Variants in ZNF827 observed in about 807,000 individuals in gnomAD.
The protein encoded by ZNF827 is zinc finger protein 827.
ZNF827 carries 13 observed loss-of-function variants against 102.4 expected under a neutral mutation model. The ratio of observed to expected loss-of-function variants is 0.13; its 90% CI spans 0.08 to 0.20. The LOEUF is 0.20. Ranked by LOEUF, ZNF827 falls within the 10% of genes least tolerant of loss-of-function variation. The probability of loss-of-function intolerance (pLI) is 1.00; values close to 1 mark genes in which losing one functional copy is unlikely to be tolerated. For missense variants in ZNF827, 1,103 were observed against 1,344.4 expected (o/e 0.82, Z 2.81); for synonymous variants, 523 against 536.2 (o/e 0.98, Z 0.34).
At chr4:145,781,228 GA>G (rs60872964) in intron 8 of ZNF827, among the ~76,000 whole-genome samples, 1,502 of 99,666 alleles carry the variant, frequency 0.015, 14 homozygotes, top group African/African-American at 0.05. Context: ...GAAAAAAAAA[GA>G]AAAAAAAAAA....
intron 8 of ZNF827, among the ~76,000 whole-genome samples, chr4:145,818,441 G>C (rs1184032717): frequency 1.3e-5 from 2 of 152,208 alleles, no homozygotes; most frequent in Non-Finnish European, 2.9e-5. Flanking sequence ...CATATGTCCT[G>C]TGCCTGACAA....
intron 8 of ZNF827, among the ~76,000 whole-genome samples, chr4:145,781,195 C>CAAAAAAAAAAAAAGAAGAAAAAAA (rs1737945565): frequency 1.8e-5 from 1 of 56,546 alleles, no homozygotes. Flanking sequence ...GACACCATCT[C>CAAAAAAAAAAAAAGAAGAAAAAAA]AAAAAAAAAA....
intron 8 of ZNF827, among the ~76,000 whole-genome samples, chr4:145,805,688 G>T (rs1741351204): frequency 2.6e-5 from 4 of 152,090 alleles, no homozygotes. Context: ...ATGGTTCCTG[G>T]CATACTTGCA....
rs1221870604 is a variant in ZNF827, at chr4:145,853,778, C to G, written c.1982-4217G>C. ...CCAGCAGTTTGGAGACCAGCCTGGCCAACATGGCAAAACCCTATATCATAA... is the reference window on the plus strand; with the variant it reads ...CCAGCAGTTTGGAGACCAGCCTGGCGAACATGGCAAAACCCTATATCATAA... On this transcript the variant is annotated intron_variant, in intron 5 of 14. Coordinates refer to ENST00000508784, the MANE Select transcript of ZNF827 (RefSeq NM_001306215.2). Among the ~76,000 whole-genome samples the G allele has an allele frequency of 3.3e-5, 5 of 151,936 alleles. No individual in the cohort carries two copies. The East Asian group carries it at 9.6e-4, about 29-fold the overall frequency.
intron 3 of ZNF827, among the ~76,000 whole-genome samples, chr4:145,887,661 A>C (rs1220988399): frequency 1.3e-5 from 2 of 152,192 alleles, no homozygotes; most frequent in African/African-American, 4.8e-5. Flanking sequence ...CCAGCTGTTA[A>C]CATCACCCCT....
chr4:145,922,894 T>A (rs1753173365), intron 1 of ZNF827, among the ~76,000 whole-genome samples: 1 of 152,236 alleles, frequency 6.6e-6, no homozygotes. Flanking sequence ...GAATTAAAAT[T>A]TTGGAAAACA....
At chr4:145,778,412 G>T (rs1737434494) in intron 9 of ZNF827, among the ~76,000 whole-genome samples, 1 of 152,186 alleles carries the variant, frequency 6.6e-6, no homozygotes, top group South Asian at 2.1e-4. Context: ...GGGATTATAG[G>T]CGTGAGCCAT....
At chr4:145,922,517 A>T (rs886167133) in intron 1 of ZNF827, among the ~76,000 whole-genome samples, 19 of 152,250 alleles carry the variant, frequency 1.2e-4, no homozygotes, top group Non-Finnish European at 2.4e-4. Flanking sequence ...AAAACCAAGG[A>T]GAAAAGCCCT....
In ZNF827 at chr4:145,892,432, A is replaced by G. The variant is rs1378737961; in HGVS notation, c.1094-17T>C. The G allele has an allele frequency of 2.5e-6, 4 of 1,602,732 alleles. No individual in the cohort carries two copies. Among genetic ancestry groups the G allele is most frequent in the Non-Finnish European group, 3.4e-6 (4 of 1,173,866 alleles). On this transcript the variant is annotated splice_polypyrimidine_tract_variant and intron_variant, in intron 2 of 14. Transcript: ENST00000508784. ...CTTCTGAGGCTTGGAAGAAGGAGAA[A>G]GAAAGGACCATTAAGGAAAACAAAA...
Position 145,886,103 on chromosome 4 carries a change from G to A in ZNF827, c.1322C>T (p.Thr441Ile). 1.2e-6 allele frequency: 2 copies of A among 1,613,458 alleles called. No homozygotes were observed. The highest frequency in any genetic ancestry group is 3.3e-4 in the Middle Eastern group (2 of 6,058). ...ETFQCQLCPF[T>I]SSRHFSLKLH... ...TTTCAGGCTGAAGTGGCGTGAGGAA[G>A]TAAAAGGGCACAGCTGGCACTGAAA... The change falls in exon 4 of 15, where the codon ACT (threonine) becomes ATT (isoleucine). Residue 441 changes from threonine to isoleucine, a missense_variant. Physicochemically the swap from Thr to Ile is moderately conservative, Grantham distance 89. Transcript: ENST00000508784.
chr4:145,827,638 G>A (rs1455888719), intron 7 of ZNF827, among the ~76,000 whole-genome samples: 1 of 152,204 alleles, frequency 6.6e-6, no homozygotes, highest in African/African-American at 2.4e-5. Flanking sequence ...GCACATGGTG[G>A]CACTATGGCT....
At chr4:145,768,858 CAAAAAA>C (rs1174930111) in intron 11 of ZNF827, among the ~76,000 whole-genome samples, 36 of 4,466 alleles carry the variant, frequency 8.1e-3, no homozygotes, top group Admixed American at 0.02. Flanking sequence ...GACTCCGTCT[CAAAAAA>C]AAAAAAAAAA....
intron 3 of ZNF827, among the ~76,000 whole-genome samples, chr4:145,890,514 T>C (rs1240762525): frequency 1.3e-5 from 2 of 152,056 alleles, no homozygotes; most frequent in Non-Finnish European, 2.9e-5. Flanking sequence ...TTTCCATGGG[T>C]TTATAAATAG....
At position 145,761,403 on chromosome 4, in the gene ZNF827, G is replaced by A. The variant is rs907168419; in HGVS notation, c.*213C>T. The A allele has an allele frequency of 6.0e-5, 77 of 1,289,864 alleles. No individual in the cohort carries two copies. The highest frequency in any genetic ancestry group is 2.8e-4 in the Admixed American group (12 of 43,568). 79.9% of individuals were successfully genotyped at this position (1,289,864 alleles called of 1,614,324 possible). A position where few individuals can be genotyped will look rare whatever the true frequency, so the allele number is the denominator to read the frequency against. On this transcript the variant is annotated 3_prime_UTR_variant, in exon 15 of 15. Transcript: ENST00000508784. This position sits in a 1 kb window ranked among gnomAD's most constrained non-coding sequence, Gnocchi z 6.8. ...GCACGTGCTCGATGAGCTTGTTGGC[G>A]GTCTTGGACAGGTAGCCGCACTGGT...
Position 145,765,269 on chromosome 4 carries a change from C to T in ZNF827, c.3053-104G>A, listed in dbSNP as rs1579079489. The stretch of plus-strand genomic sequence containing the variant: ...CACTTCCTCCCGCCTCCTCCGACGC[C>T]TGACAGCTATACCCTTCCAGGCACT... On this transcript the variant is annotated intron_variant, in intron 12 of 14. Transcript: ENST00000508784. The surrounding 1 kb of genome is among the most constrained non-coding windows in gnomAD (Gnocchi z 4.7). The T allele has an allele frequency of 7.8e-7, 1 of 1,278,764 alleles. No individual in the cohort carries two copies. The highest frequency in any genetic ancestry group is 2.5e-5 in the East Asian group (1 of 39,458). 79.2% of individuals were successfully genotyped at this position (1,278,764 alleles called of 1,614,324 possible). A position where few individuals can be genotyped will look rare whatever the true frequency, so the allele number is the denominator to read the frequency against.
intron 8 of ZNF827, chr4:145,819,920 AG>A (rs2126468971): frequency 6.6e-6 from 1 of 152,340 alleles, no homozygotes; most frequent in South Asian, 2.1e-4. Context: ...GACACCGTGA[AG>A]CTCTGTGTTT....
At chr4:145,833,840 C>T (rs1295967147) in intron 7 of ZNF827, among the ~76,000 whole-genome samples, 2 of 151,828 alleles carry the variant, frequency 1.3e-5, no homozygotes, top group Non-Finnish European at 2.9e-5. Context: ...GCGCCCCATC[C>T]CTTATTTCCA....
At chr4:145,813,165 C>T (rs769661647) in intron 8 of ZNF827, among the ~76,000 whole-genome samples, 4 of 152,042 alleles carry the variant, frequency 2.6e-5, no homozygotes, top group East Asian at 1.9e-4. Context: ...GCAGATGATC[C>T]TTCTTCTGAC....
At chr4:145,893,865 G>A (rs745783174) in intron 2 of ZNF827, among the ~76,000 whole-genome samples, 2 of 151,730 alleles carry the variant, frequency 1.3e-5, no homozygotes, top group African/African-American at 2.4e-5. Context: ...CAAGACAAAC[G>A]ACCCAGTTTC....
Sources: allele counts gnomAD v4.1 joint callset (sites outside exome capture counted in the v4.1 genomes callset), GRCh38; gene constraint gnomAD v4.1.1; non-coding constraint Gnocchi (gnomAD v3.1); transcripts MANE v1.5; gene names NCBI Gene and HGNC (gene_info 2026-07-23, HGNC 2026-07-21).